The following FHIP1A variants were observed in gnomAD, a reference collection of about 807,000 sequenced individuals.
FHIP1A encodes the protein FHF complex subunit HOOK interacting protein 1A, also known as FHF complex subunit HOOK-interacting protein 1A.
In FHIP1A, 61 loss-of-function variants were observed where a neutral mutation model predicts 88.6. The observed-to-expected ratio is 0.69, with a 90% CI of 0.56 to 0.85. The LOEUF (loss-of-function observed/expected upper bound fraction) is 0.85, where lower values mean the gene tolerates loss of function less well. Among genes scored for constraint, FHIP1A ranks in the 40% least tolerant of loss-of-function variants. The pLI is 0.00. For synonymous variants in FHIP1A, 478 were observed against 496.0 expected, an observed-to-expected ratio of 0.96 and a Z score of 0.48; for missense variants, 1,154 against 1,273.5, an observed-to-expected ratio of 0.91 and a Z score of 1.43.
At chr4:151,649,433 C>A in intron 10 of FHIP1A, 26 bp from the exon 11 acceptor site, 1 of 1,513,276 alleles carries the variant, frequency 6.6e-7, no homozygotes, top group South Asian at 1.3e-5. Flanking sequence ...CTCCCTTGTT[C>A]TAACCAGCCT....
At chr4:151,574,302 G>T (rs1235416648) in intron 4 of FHIP1A, among the ~76,000 whole-genome samples, 2 of 152,164 alleles carry the variant, frequency 1.3e-5, no homozygotes, top group South Asian at 4.1e-4. Flanking sequence ...TATAAAGAGG[G>T]TAAAGATGCT....
intron 1 of FHIP1A, among the ~76,000 whole-genome samples, chr4:151,441,817 A>G (rs1032192621): frequency 4.6e-5 from 7 of 152,160 alleles, no homozygotes; most frequent in African/African-American, 1.7e-4. Flanking sequence ...TTTTAAGTAA[A>G]TCAGCTTTGT....
chr4:151,412,188 C>T (rs1047744992), intron 1 of FHIP1A, among the ~76,000 whole-genome samples: 4 of 152,056 alleles, frequency 2.6e-5, no homozygotes, highest in Non-Finnish European at 4.4e-5. Flanking sequence ...ACTGCAACCT[C>T]TGCCTCCCAG....
rs1016989232 is a variant in FHIP1A, at chr4:151,664,197, G to T, written c.*1443G>T. 2.0e-5 allele frequency among the ~76,000 whole-genome samples: 3 copies of T among 152,204 alleles called. No individual in the cohort carries two copies. Among genetic ancestry groups the T allele is most frequent in the African/African-American group, 7.2e-5 (3 of 41,456 alleles). On this transcript the variant is annotated 3_prime_UTR_variant, in exon 14 of 14. Coordinates refer to ENST00000435205, the MANE Select transcript of FHIP1A (RefSeq NM_001109977.3). ...CTCTCTGTTCTTTGTGGGCATCTCT[G>T]TGGAGCCCTGAGGGCAGCCACAGGT...
At chr4:151,621,162 G>GT (rs1441781819) in intron 7 of FHIP1A, among the ~76,000 whole-genome samples, 4 of 151,974 alleles carry the variant, frequency 2.6e-5, no homozygotes, top group African/African-American at 4.8e-5. Flanking sequence ...CGCACACTAA[G>GT]TTTTTTTTGA....
At chr4:151,549,959 C>G (rs1011778735) in intron 3 of FHIP1A, among the ~76,000 whole-genome samples, 2 of 152,016 alleles carry the variant, frequency 1.3e-5, no homozygotes, top group African/African-American at 4.8e-5. Flanking sequence ...TACTTTCTAC[C>G]TTTTGTAATC....
chr4:151,648,351 G>A (rs1317374684), intron 10 of FHIP1A, among the ~76,000 whole-genome samples: 5 of 152,210 alleles, frequency 3.3e-5, no homozygotes, highest in Admixed American at 6.5e-5. Context: ...ACTGCCAGTA[G>A]TAGTATTTGA....
chr4:151,622,675 A>T (rs1020733024), intron 7 of FHIP1A, among the ~76,000 whole-genome samples: 5 of 152,152 alleles, frequency 3.3e-5, no homozygotes, highest in Non-Finnish European at 7.3e-5. Flanking sequence ...ATTGTTTCTT[A>T]AATTGTAACC....
intron 7 of FHIP1A, among the ~76,000 whole-genome samples, chr4:151,612,895 A>G (rs1249607146): frequency 6.6e-6 from 1 of 152,222 alleles, no homozygotes; most frequent in East Asian, 1.9e-4. Flanking sequence ...GCAGCACAGA[A>G]TGAAGTTAGG....
chr4:151,527,343 G>A (rs1462178766), intron 3 of FHIP1A, among the ~76,000 whole-genome samples: 5 of 152,352 alleles, frequency 3.3e-5, no homozygotes, highest in Admixed American at 6.5e-5. Context: ...CCAACACAGC[G>A]AAACCCCGTC....
chr4:151,483,801 T>A (rs1194279084), intron 3 of FHIP1A, among the ~76,000 whole-genome samples: 1 of 152,120 alleles, frequency 6.6e-6, no homozygotes, highest in Non-Finnish European at 1.5e-5. Context: ...TTAGAGACAG[T>A]TTAAGATACG....
At chr4:151,514,504 T>C (rs1327393602) in intron 3 of FHIP1A, among the ~76,000 whole-genome samples, 1 of 151,460 alleles carries the variant, frequency 6.6e-6, no homozygotes, top group Non-Finnish European at 1.5e-5. Flanking sequence ...AAAAAATTAA[T>C]GAATCCAGGA....
chr4:151,608,037 CTTTTTTTTTTT>C (rs376335318), intron 7 of FHIP1A, among the ~76,000 whole-genome samples: 26 of 67,106 alleles, frequency 3.9e-4, no homozygotes, highest in African/African-American at 1.2e-3. Flanking sequence ...CTTTCTTCTT[CTTTTTTTTTTT>C]TTTTTTTTTT....
intron 2 of FHIP1A, among the ~76,000 whole-genome samples, chr4:151,463,566 C>A (rs1729209378): frequency 6.6e-6 from 1 of 152,184 alleles, no homozygotes; most frequent in African/African-American, 2.4e-5. Context: ...ATTAAAGCTA[C>A]TCGTAAAATA....
intron 3 of FHIP1A, among the ~76,000 whole-genome samples, chr4:151,539,355 G>T (rs1732186115): frequency 6.6e-6 from 1 of 152,114 alleles, no homozygotes; most frequent in African/African-American, 2.4e-5. Flanking sequence ...GCTGAGGCAG[G>T]TGGATCATCT....
chr4:151,653,763 G>A (rs1053807425), intron 11 of FHIP1A, among the ~76,000 whole-genome samples: 1 of 152,144 alleles, frequency 6.6e-6, no homozygotes, highest in Admixed American at 6.5e-5. Flanking sequence ...AGAATTTGCC[G>A]AGGGAGGCAC....
chr4:151,533,390 A>G (rs1350447869), intron 3 of FHIP1A, among the ~76,000 whole-genome samples: 1 of 151,366 alleles, frequency 6.6e-6, no homozygotes, highest in Non-Finnish European at 1.5e-5. Context: ...ACTCCAGCCT[A>G]GGAAACAGAT....
chr4:151,578,872 C>T (rs1418364938), intron 5 of FHIP1A, among the ~76,000 whole-genome samples: 1 of 151,974 alleles, frequency 6.6e-6, no homozygotes, highest in East Asian at 1.9e-4. Flanking sequence ...GGTGAATAGA[C>T]AAATAAAGTG....
At chr4:151,558,267 G>C (rs1733031457) in intron 3 of FHIP1A, among the ~76,000 whole-genome samples, 1 of 152,126 alleles carries the variant, frequency 6.6e-6, no homozygotes, top group South Asian at 2.1e-4. Flanking sequence ...CAGGTGCAGT[G>C]GCACATACCT....
Sources: gnomAD v4.1 joint callset for allele counts (sites outside exome capture counted in the v4.1 genomes callset) on GRCh38, gnomAD v4.1.1 for gene constraint, MANE v1.5 for transcripts, NCBI Gene and HGNC (gene_info 2026-07-23, HGNC 2026-07-21) for gene names.